PTPRG: variants seen among roughly 807,000 people sequenced by gnomAD.
PTPRG encodes the protein receptor-type tyrosine-protein phosphatase gamma.
A neutral mutation model predicts 165.3 loss-of-function variants in PTPRG; 102 were observed. The observed-to-expected ratio is 0.62, with a 90% CI of 0.53 to 0.73. The LOEUF is 0.73. Ranked by LOEUF, PTPRG falls within the 30% of genes least tolerant of loss-of-function variation. The probability of loss-of-function intolerance (pLI) is 0.00; values close to 1 mark genes in which losing one functional copy is unlikely to be tolerated. For missense variants in PTPRG, 1,866 were observed against 1,861.4 expected, an observed-to-expected ratio of 1.00 and a Z score of -0.05; for synonymous variants, 675 against 669.5, an observed-to-expected ratio of 1.01 and a Z score of -0.13.
intron 5 of PTPRG, among the ~76,000 whole-genome samples, chr3:62,086,473 A>G (rs949480543): frequency 1.3e-5 from 2 of 152,166 alleles, no homozygotes; most frequent in African/African-American, 4.8e-5. Flanking sequence ...ATGGTGGTAG[A>G]TTATTTAGAA....
At chr3:61,759,209 T>G (rs536701839) in intron 2 of PTPRG, among the ~76,000 whole-genome samples, 1 of 152,342 alleles carries the variant, frequency 6.6e-6, no homozygotes, top group Admixed American at 6.5e-5. Context: ...TTTCGTTTAC[T>G]TTAAGGCCCA....
intron 1 of PTPRG, among the ~76,000 whole-genome samples, chr3:61,716,514 G>A (rs995594675): frequency 1.3e-5 from 2 of 151,988 alleles, no homozygotes; most frequent in African/African-American, 4.8e-5. Flanking sequence ...TAAAGAAAGT[G>A]GTATATTTAT....
intron 2 of PTPRG, among the ~76,000 whole-genome samples, chr3:61,911,458 C>G (rs187637268): frequency 2.0e-5 from 3 of 152,244 alleles, no homozygotes; most frequent in Non-Finnish European, 4.4e-5. Flanking sequence ...ACTTTTGATT[C>G]TGCTTTTCAC....
Position 62,195,166 on chromosome 3 carries a change from T to G in PTPRG, c.1323T>G (p.Phe441Leu). 1 of 1,614,118 alleles carries G rather than the reference T, an allele frequency of 6.2e-7. No individual in the cohort carries two copies. Among genetic ancestry groups the G allele is most frequent in the South Asian group, 1.1e-5 (1 of 91,084 alleles). ...GCGACTTTAGCCAGACGATGCTGTTTCAAGGTGAGGCTGGCTTCCCCTCCT... is the reference window on the plus strand; with the variant it reads ...GCGACTTTAGCCAGACGATGCTGTTGCAAGGTGAGGCTGGCTTCCCCTCCT... ...MRSDFSQTML[F>L]QANTTRIFQG... The change falls in exon 10 of 30, where the codon TTT becomes TTG. Residue 441 changes from phenylalanine (F) to leucine (L), a missense_variant. By Grantham distance (22) the Phe-to-Leu change is conservative. Coordinates refer to ENST00000474889, the MANE Select transcript of PTPRG (RefSeq NM_002841.4). The surrounding 1 kb of genome is among the most constrained non-coding windows in gnomAD (Gnocchi z 4.4).
At chr3:61,669,480 C>A (rs1158371408) in intron 1 of PTPRG, among the ~76,000 whole-genome samples, 1 of 152,166 alleles carries the variant, frequency 6.6e-6, no homozygotes, top group African/African-American at 2.4e-5. Context: ...CATTCCCATC[C>A]CTCTTACTCC....
chr3:61,766,152 T>C (rs1484784919), intron 2 of PTPRG, among the ~76,000 whole-genome samples: 1 of 152,226 alleles, frequency 6.6e-6, no homozygotes, highest in Non-Finnish European at 1.5e-5. Context: ...ACTTTTTCTT[T>C]AAATTGGAAT....
intron 1 of PTPRG, among the ~76,000 whole-genome samples, chr3:61,678,356 G>A (rs1703310630): frequency 6.6e-6 from 1 of 152,244 alleles, no homozygotes; most frequent in South Asian, 2.1e-4. Flanking sequence ...TAGTCAACAT[G>A]TGTTTTACAA....
chr3:61,746,073 G>A (rs2033188956), intron 1 of PTPRG, among the ~76,000 whole-genome samples: 1 of 145,816 alleles, frequency 6.9e-6, no homozygotes, highest in Non-Finnish European at 1.5e-5. Context: ...TTTTGAGACA[G>A]GGTCTCACTC....
intron 2 of PTPRG, among the ~76,000 whole-genome samples, chr3:61,842,157 C>T (rs1199295580): frequency 5.9e-5 from 9 of 152,218 alleles, no homozygotes; most frequent in Admixed American, 2.6e-4. Context: ...GAGTATGCAT[C>T]ACACCCTATA....
intron 2 of PTPRG, among the ~76,000 whole-genome samples, chr3:61,826,794 A>G (rs900153809): frequency 2.0e-5 from 3 of 151,548 alleles, no homozygotes; most frequent in Non-Finnish European, 2.9e-5. Flanking sequence ...TCCATTAGAC[A>G]TGATAGCCAA....
At chr3:61,941,859 T>A (rs1437538849) in intron 2 of PTPRG, among the ~76,000 whole-genome samples, 1 of 152,118 alleles carries the variant, frequency 6.6e-6, no homozygotes, top group African/African-American at 2.4e-5. Flanking sequence ...TTTTTTTTCT[T>A]TAGAAAGCCA....
At chr3:61,784,174 G>T (rs940168526) in intron 2 of PTPRG, among the ~76,000 whole-genome samples, 1 of 152,110 alleles carries the variant, frequency 6.6e-6, no homozygotes, top group African/African-American at 2.4e-5. Context: ...GGAAGGAGGT[G>T]AATAATTGGT....
intron 12 of PTPRG, among the ~76,000 whole-genome samples, chr3:62,209,468 C>T (rs544019437): frequency 2.0e-5 from 3 of 152,266 alleles, no homozygotes; most frequent in Non-Finnish European, 2.9e-5. Context: ...TCATGCAGAT[C>T]GGGCAGAAAT....
chr3:61,837,103 G>A (rs993205527), intron 2 of PTPRG, among the ~76,000 whole-genome samples: 1 of 152,146 alleles, frequency 6.6e-6, no homozygotes, highest in African/African-American at 2.4e-5. Context: ...TTGTAAAGAT[G>A]GGTTTTATCA....
chr3:62,142,005 C>G (rs1053351622), intron 6 of PTPRG, among the ~76,000 whole-genome samples: 10 of 151,230 alleles, frequency 6.6e-5, no homozygotes, highest in African/African-American at 1.9e-4. Context: ...TGGATAAAGA[C>G]GTAGTGGTGC....
At chr3:61,738,302 A>ATG (rs1559583352) in intron 1 of PTPRG, among the ~76,000 whole-genome samples, 1,427 of 81,412 alleles carry the variant, frequency 0.018, 216 homozygotes, top group South Asian at 0.027. Flanking sequence ...ATATATATAT[A>ATG]TATATATATA....
At chr3:61,704,613 C>A (rs577574412) in intron 1 of PTPRG, among the ~76,000 whole-genome samples, 1 of 148,222 alleles carries the variant, frequency 6.7e-6, no homozygotes, top group South Asian at 2.2e-4. Flanking sequence ...AGCCACTAGT[C>A]TTATGTTAAA....
chr3:61,730,090 T>C (rs2032430854), intron 1 of PTPRG, among the ~76,000 whole-genome samples: 1 of 152,238 alleles, frequency 6.6e-6, no homozygotes, highest in Non-Finnish European at 1.5e-5. Flanking sequence ...GCGATTTCTT[T>C]GACTGAAGGG....
chr3:62,002,810 C>A (rs1266342705), intron 3 of PTPRG, among the ~76,000 whole-genome samples: 1 of 152,238 alleles, frequency 6.6e-6, no homozygotes, highest in Admixed American at 6.5e-5. Flanking sequence ...AGACTCCCAA[C>A]TGTCTTCCCA....
Sources: allele counts gnomAD v4.1 joint callset (sites outside exome capture counted in the v4.1 genomes callset), GRCh38; gene constraint gnomAD v4.1.1; non-coding constraint Gnocchi (gnomAD v3.1); transcripts MANE v1.5; gene names NCBI Gene and HGNC (gene_info 2026-07-23, HGNC 2026-07-21).